The following SCN11A variants were observed in gnomAD, a reference collection of about 807,000 sequenced individuals.
The protein encoded by SCN11A is sodium channel protein type 11 subunit alpha.
Under a neutral mutation model 162.2 loss-of-function variants are expected in SCN11A, and 122 were observed. The observed-to-expected ratio is 0.75, with a 90% CI of 0.65 to 0.87. The LOEUF (loss-of-function observed/expected upper bound fraction) is 0.87. SCN11A is among the 40% of genes least tolerant of loss of function. The pLI, the probability that SCN11A is intolerant of heterozygous loss-of-function variation, is 0.00. For synonymous variants in SCN11A, 758 were observed against 751.5 expected (o/e 1.01, Z -0.14); for missense variants, 2,015 against 2,181.6 (o/e 0.92, Z 1.52).
intron 23 of SCN11A, among the ~76,000 whole-genome samples, chr3:38,875,340 G>T (rs375633643): frequency 6.6e-6 from 1 of 151,658 alleles, no homozygotes; most frequent in Non-Finnish European, 1.5e-5. Context: ...TCCTTCTTTT[G>T]TCTATTCTTT....
chr3:38,942,839 TAA>T (rs1486736336), intron 7 of SCN11A, among the ~76,000 whole-genome samples: 3 of 152,148 alleles, frequency 2.0e-5, no homozygotes, highest in African/African-American at 7.2e-5. Flanking sequence ...AAAAAATTAA[TAA>T]AGACTTTGAA....
At position 38,846,342 on chromosome 3, in the gene SCN11A, GACCTC is replaced by G; in HGVS notation, c.*347_*351del. 4.8e-6 allele frequency: 1 copy of G among 210,112 alleles called. No homozygotes were observed. The highest frequency in any genetic ancestry group is 9.4e-5 in the South Asian group (1 of 10,628). 13.0% of individuals were successfully genotyped at this position (210,112 alleles called of 1,614,324 possible). The stretch of plus-strand genomic sequence containing the variant: ...TTGGCCAGGATGGTCTCGATCTCTT[GACCTC>G]GTGATCCACCTGCCTTGGCCTCTCA... On this transcript the variant is annotated 3_prime_UTR_variant, in exon 30 of 30. Coordinates refer to ENST00000302328, the MANE Select transcript of SCN11A (RefSeq NM_001349253.2).
At chr3:38,872,477 T>G (rs1482179308) in intron 23 of SCN11A, among the ~76,000 whole-genome samples, 183 bp from the exon 24 acceptor site, 1 of 152,150 alleles carries the variant, frequency 6.6e-6, no homozygotes, top group Non-Finnish European at 1.5e-5. Context: ...AGCAAAGAGA[T>G]ATAACAATCA....
chr3:38,872,668 T>G (rs543989458), intron 23 of SCN11A, among the ~76,000 whole-genome samples: 1 of 152,318 alleles, frequency 6.6e-6, no homozygotes, highest in African/African-American at 2.4e-5. Context: ...GGATGTGGAT[T>G]TTAATTGAAT....
chr3:39,022,063 T>A (rs1289258500), intron 2 of SCN11A, among the ~76,000 whole-genome samples: 2 of 152,062 alleles, frequency 1.3e-5, no homozygotes, highest in African/African-American at 4.8e-5. Context: ...CCTCCTTTTT[T>A]CCCTGATAAG....
chr3:38,946,849 A>G lies in SCN11A; in HGVS notation c.326T>C (p.Leu109Ser), dbSNP rs1553644031. 8.1e-6 allele frequency: 13 copies of G among 1,613,792 alleles called. No homozygotes were observed. The highest frequency in any genetic ancestry group is 1.1e-5 in the Non-Finnish European group (13 of 1,179,730). ...TIYRFSAKHALFIFGPFNSIR... is the reference protein window; with the variant it reads ...TIYRFSAKHASFIFGPFNSIR... ...TGAATTGAAAGGCCCAAAAATGAAC[A>G]AGGCATGCTTGGCACTGAAGCGGTA... is the stretch of plus-strand genomic sequence containing the variant. Residue 109 changes from leucine to serine, a missense_variant, in exon 6 of 30, where the codon TTG becomes TCG. Physicochemically the swap from Leu to Ser is moderately radical, Grantham distance 145 (BLOSUM62 -2). Coordinates refer to ENST00000302328, the MANE Select transcript of SCN11A (RefSeq NM_001349253.2).
At chr3:39,017,514 T>C (rs1044873255) in intron 2 of SCN11A, among the ~76,000 whole-genome samples, 2 of 152,164 alleles carry the variant, frequency 1.3e-5, no homozygotes, top group African/African-American at 4.8e-5. Flanking sequence ...GTTTTCTTTA[T>C]GTTTCTGTAC....
intron 10 of SCN11A, among the ~76,000 whole-genome samples, chr3:38,920,737 G>A (rs1357458251): frequency 6.6e-6 from 1 of 151,804 alleles, no homozygotes; most frequent in Non-Finnish European, 1.5e-5. Context: ...TGAGGAGTGG[G>A]GCTGGGAAGC....
At chr3:38,848,837 TAG>T (rs1274880586) in intron 29 of SCN11A, among the ~76,000 whole-genome samples, 1 of 152,186 alleles carries the variant, frequency 6.6e-6, no homozygotes, top group Non-Finnish European at 1.5e-5. Context: ...TGTTAACTCC[TAG>T]AGAGAGATTC....
chr3:38,969,861 G>C (rs1008446528), intron 2 of SCN11A, among the ~76,000 whole-genome samples: 7 of 152,198 alleles, frequency 4.6e-5, no homozygotes, highest in Middle Eastern at 3.2e-3. Flanking sequence ...GTCTTAAGAA[G>C]GCTCAGTTCT....
intron 5 of SCN11A, among the ~76,000 whole-genome samples, chr3:38,948,521 A>C (rs2066552037): frequency 6.6e-6 from 1 of 152,194 alleles, no homozygotes; most frequent in Non-Finnish European, 1.5e-5. Context: ...TTGGGTTTGC[A>C]TCCTAGCTCC....
In SCN11A at chr3:38,883,693, T is replaced by C. The variant is rs560369713; in HGVS notation, c.3065-306A>G. On this transcript the variant is annotated intron_variant, in intron 21 of 29. Coordinates refer to ENST00000302328, the MANE Select transcript of SCN11A (RefSeq NM_001349253.2). ...AAAAAGGCAAATTCAGGCTACCCCA[T>C]TGGGTCTGGAAGGAGGATGATAGAC... is the stretch of plus-strand genomic sequence containing the variant. 7.9e-5 allele frequency among the ~76,000 whole-genome samples: 12 copies of C among 152,250 alleles called. No individual in the cohort carries two copies. The South Asian group carries it at 1.5e-3, about 18-fold the overall frequency.
In SCN11A at chr3:38,995,200, G is replaced by A. The variant is rs75332031; in HGVS notation, c.-279-34777C>T. On this transcript the variant is annotated intron_variant, in intron 2 of 29. Coordinates refer to ENST00000302328, the MANE Select transcript of SCN11A (RefSeq NM_001349253.2). ...GGCTGGAGTGCAGTGGCGCGATCTC[G>A]GCTCACTCCTCCCGGGTTCACGCCA... 0.018 allele frequency among the ~76,000 whole-genome samples: 2,659 copies of A among 150,816 alleles called. 113 individuals carry two copies. The East Asian group carries it at 0.18, about 10-fold the overall frequency.
intron 2 of SCN11A, among the ~76,000 whole-genome samples, chr3:39,031,477 G>T (rs1164631240): frequency 1.2e-4 from 18 of 150,892 alleles, no homozygotes; most frequent in Non-Finnish European, 2.9e-5. Context: ...AATGAGCCAA[G>T]ATTGCACCAG....
intron 2 of SCN11A, among the ~76,000 whole-genome samples, chr3:38,968,647 T>C (rs1041681501): frequency 2.0e-5 from 3 of 151,988 alleles, no homozygotes; most frequent in Non-Finnish European, 4.4e-5. Context: ...CGCATACATA[T>C]ATGCAAACAC....
chr3:38,971,606 A>T (rs952509980), intron 2 of SCN11A, among the ~76,000 whole-genome samples: 6 of 152,140 alleles, frequency 3.9e-5, no homozygotes, highest in South Asian at 4.1e-4. Context: ...AACATTCAGA[A>T]CTGGTTCAAG....
chr3:38,851,878 C>T (rs1247673957), intron 28 of SCN11A, among the ~76,000 whole-genome samples: 4 of 152,036 alleles, frequency 2.6e-5, no homozygotes, highest in Non-Finnish European at 4.4e-5. Flanking sequence ...AAGCAAGAAC[C>T]GTCAGAGAAT....
At chr3:38,920,971 G>T in intron 10 of SCN11A, 105 bp downstream of exon 10, 2 of 1,044,460 alleles carry the variant, frequency 1.9e-6, no homozygotes, top group Non-Finnish European at 2.9e-6. Flanking sequence ...GTCCTCCCTT[G>T]CTGCTAAGAG....
chr3:39,012,444 C>T (rs367825048), intron 2 of SCN11A, among the ~76,000 whole-genome samples: 2 of 149,568 alleles, frequency 1.3e-5, no homozygotes, highest in African/African-American at 2.5e-5. Context: ...CTTTCTCTCT[C>T]TCTTTCTCTC....
Sources: allele counts gnomAD v4.1 joint callset (sites outside exome capture counted in the v4.1 genomes callset), GRCh38; gene constraint gnomAD v4.1.1; transcripts MANE v1.5; gene names NCBI Gene and HGNC (gene_info 2026-07-23, HGNC 2026-07-21).